The following SEMA3E variants were observed in gnomAD, a reference collection of about 807,000 sequenced individuals.
SEMA3E encodes the protein semaphorin 3E.
SEMA3E carries 49 observed loss-of-function variants against 93.6 expected under a neutral mutation model. The observed-to-expected ratio is 0.52, with a 90% CI of 0.42 to 0.66. SEMA3E has a LOEUF of 0.66. Among genes scored for constraint, SEMA3E ranks in the 30% least tolerant of loss-of-function variants. SEMA3E has a pLI of 0.00. For synonymous variants in SEMA3E, 363 were observed against 330.7 expected (o/e 1.10, Z -1.06); for missense variants, 906 against 964.8 (o/e 0.94, Z 0.81).
At chr7:83,530,437 G>A (rs190389849) in intron 1 of SEMA3E, among the ~76,000 whole-genome samples, 1 of 152,222 alleles carries the variant, frequency 6.6e-6, no homozygotes, top group Non-Finnish European at 1.5e-5. Flanking sequence ...AGTCTTCAGT[G>A]CTAAAGTTGA....
chr7:83,514,118 A>G (rs1275701829), intron 1 of SEMA3E, among the ~76,000 whole-genome samples: 1 of 152,148 alleles, frequency 6.6e-6, no homozygotes, highest in Non-Finnish European at 1.5e-5. Flanking sequence ...CTTCAGCACC[A>G]TGACAGTTTA....
intron 16 of SEMA3E, among the ~76,000 whole-genome samples, chr7:83,381,044 A>G (rs952151443): frequency 6.6e-6 from 1 of 151,978 alleles, no homozygotes; most frequent in Non-Finnish European, 1.5e-5. Flanking sequence ...GTGTGTTCCT[A>G]TCACCTCAAT....
Position 83,407,245 on chromosome 7 carries a change from G to T in SEMA3E, c.671-6C>A. 6.2e-7 allele frequency: 1 copy of T among 1,610,754 alleles called. No individual in the cohort carries two copies. On this transcript the variant is annotated splice_polypyrimidine_tract_variant and splice_region_variant and intron_variant, in intron 6 of 16. Transcript: ENST00000643230. Reference sequence around the variant, plus strand: ...TGAACCTACAAATTTTGGTTCTATAGGAGCAAAAAATAGGAGAAAAAGTGA... The same window carrying T: ...TGAACCTACAAATTTTGGTTCTATATGAGCAAAAAATAGGAGAAAAAGTGA...
At chr7:83,600,420 T>C (rs1040123996) in intron 1 of SEMA3E, among the ~76,000 whole-genome samples, 11 of 149,592 alleles carry the variant, frequency 7.4e-5, no homozygotes, top group East Asian at 2.0e-4. Flanking sequence ...CCAGGGTTCA[T>C]GCCATTCTCC....
At chr7:83,382,536 G>T (rs1787796957) in intron 16 of SEMA3E, among the ~76,000 whole-genome samples, 1 of 151,852 alleles carries the variant, frequency 6.6e-6, no homozygotes, top group South Asian at 2.1e-4. Flanking sequence ...TTTGCAATAG[G>T]TACATATAAA....
chr7:83,489,649 A>G (rs59478400), intron 2 of SEMA3E, among the ~76,000 whole-genome samples: 281 of 152,244 alleles, frequency 1.8e-3, no homozygotes, highest in African/African-American at 6.0e-3. Context: ...TTTTAAATGT[A>G]TAAGTTACTC....
chr7:83,569,761 C>T (rs1257628344), intron 1 of SEMA3E, among the ~76,000 whole-genome samples: 1 of 152,162 alleles, frequency 6.6e-6, no homozygotes, highest in Non-Finnish European at 1.5e-5. Flanking sequence ...ATGACAGCCA[C>T]ACAATAATAG....
chr7:83,623,369 C>T (rs1294982458), intron 1 of SEMA3E, among the ~76,000 whole-genome samples: 1 of 152,086 alleles, frequency 6.6e-6, no homozygotes, highest in Non-Finnish European at 1.5e-5. Flanking sequence ...ATAAAAAGCA[C>T]TTCATAGCAG....
intron 11 of SEMA3E, 21 bp downstream of exon 11, chr7:83,400,007 A>T (rs1416328221): frequency 6.5e-7 from 1 of 1,535,604 alleles, no homozygotes; most frequent in Non-Finnish European, 9.0e-7. Context: ...AATATCTCTG[A>T]GTACTTTCTC....
At chr7:83,476,461 G>T (rs1377275729) in intron 2 of SEMA3E, among the ~76,000 whole-genome samples, 2 of 152,164 alleles carry the variant, frequency 1.3e-5, no homozygotes, top group Non-Finnish European at 2.9e-5. Flanking sequence ...ACTCTCTACA[G>T]TAAAGTTCAA....
At chr7:83,629,558 T>G (rs1584375203) in intron 1 of SEMA3E, among the ~76,000 whole-genome samples, 1 of 152,164 alleles carries the variant, frequency 6.6e-6, no homozygotes, top group African/African-American at 2.4e-5. Context: ...GGCTCTGCCC[T>G]ATCTGAATTT....
At chr7:83,397,400 C>G (rs1310193260) in intron 11 of SEMA3E, among the ~76,000 whole-genome samples, 1 of 152,026 alleles carries the variant, frequency 6.6e-6, no homozygotes, top group South Asian at 2.1e-4. Context: ...CCAAAAGCTA[C>G]TTTTATGGTA....
chr7:83,594,607 A>G (rs1792828739), intron 1 of SEMA3E, among the ~76,000 whole-genome samples: 1 of 152,096 alleles, frequency 6.6e-6, no homozygotes, highest in African/African-American at 2.4e-5. Flanking sequence ...CTTTGCTCCC[A>G]TATTAGAATA....
At chr7:83,625,253 C>T (rs192511538) in intron 1 of SEMA3E, among the ~76,000 whole-genome samples, 7 of 152,112 alleles carry the variant, frequency 4.6e-5, no homozygotes, top group Non-Finnish European at 8.8e-5. Flanking sequence ...TTTTCTAATT[C>T]TGTGAAGAAA....
chr7:83,391,756 A>G (rs1788022739), intron 14 of SEMA3E, among the ~76,000 whole-genome samples: 1 of 152,192 alleles, frequency 6.6e-6, no homozygotes, highest in Non-Finnish European at 1.5e-5. Flanking sequence ...AAAAATGTTT[A>G]CAGAAAAGTA....
At chr7:83,376,581 C>T (rs1307367244) in intron 16 of SEMA3E, among the ~76,000 whole-genome samples, 4 of 152,072 alleles carry the variant, frequency 2.6e-5, no homozygotes, top group East Asian at 1.9e-4. Context: ...TACTCAACAG[C>T]GTTTAATTGA....
At chr7:83,479,655 A>C (rs1393316534) in intron 2 of SEMA3E, among the ~76,000 whole-genome samples, 1 of 152,180 alleles carries the variant, frequency 6.6e-6, no homozygotes. Flanking sequence ...GCTAAGAGAA[A>C]GATACTATGG....
At chr7:83,621,646 C>T (rs1793558129) in intron 1 of SEMA3E, among the ~76,000 whole-genome samples, 1 of 152,098 alleles carries the variant, frequency 6.6e-6, no homozygotes. Flanking sequence ...AAAACAGACA[C>T]ATTGACCGAT....
At chr7:83,408,282 C>A (rs1788364626) in intron 6 of SEMA3E, 86 bp downstream of exon 6, 11 of 1,478,312 alleles carry the variant, frequency 7.4e-6, no homozygotes, top group South Asian at 1.2e-5. Flanking sequence ...TATTTATATT[C>A]TTATTATTAT....
Sources: allele counts gnomAD v4.1 joint callset (sites outside exome capture counted in the v4.1 genomes callset), GRCh38; gene constraint gnomAD v4.1.1; transcripts MANE v1.5; gene names NCBI Gene and HGNC (gene_info 2026-07-23, HGNC 2026-07-21).